Variants in EXOC4 observed in about 807,000 individuals in gnomAD.
EXOC4 encodes SEC8-like 1.
In EXOC4, 71 loss-of-function variants were observed where a neutral mutation model predicts 107.2. That is an observed-to-expected ratio of 0.66 (90% confidence interval 0.55 to 0.81). The LOEUF (loss-of-function observed/expected upper bound fraction) is 0.81, where lower values mean the gene tolerates loss of function less well. EXOC4 is among the 30% of genes least tolerant of loss of function. EXOC4 has a pLI of 0.00. For synonymous variants in EXOC4, 456 were observed against 441.2 expected (o/e 1.03, Z -0.42); for missense variants, 1,108 against 1,189.6 (o/e 0.93, Z 1.01).
At chr7:133,449,721 T>TTGTGTGTGTGTGTGTGTG (rs58843853) in intron 7 of EXOC4, among the ~76,000 whole-genome samples, 69 of 148,002 alleles carry the variant, frequency 4.7e-4, no homozygotes, top group African/African-American at 1.5e-3. Context: ...GAAAATACAT[T>TTGTGTGTGTGTGTGTGTG]TGTGTGTGTG....
chr7:133,723,852 C>T (rs1422082080), intron 10 of EXOC4, among the ~76,000 whole-genome samples: 2 of 151,930 alleles, frequency 1.3e-5, no homozygotes, highest in African/African-American at 4.8e-5. Context: ...TGGTCTTGAA[C>T]TCCTGGGCTC....
intron 14 of EXOC4, among the ~76,000 whole-genome samples, chr7:133,960,060 C>G (rs1800907373): frequency 6.6e-6 from 1 of 152,104 alleles, no homozygotes; most frequent in Non-Finnish European, 1.5e-5. Context: ...GTGATCATGA[C>G]AGGATATGCC....
intron 11 of EXOC4, among the ~76,000 whole-genome samples, chr7:133,820,719 C>T (rs545094860): frequency 6.6e-6 from 1 of 152,312 alleles, no homozygotes; most frequent in African/African-American, 2.4e-5. Context: ...CCTGTGGCAA[C>T]ACCCAGTGTC....
intron 9 of EXOC4, chr7:133,576,974 T>C: frequency 1.3e-6 from 1 of 748,824 alleles, no homozygotes; most frequent in Non-Finnish European, 1.9e-6. Flanking sequence ...GTGAGAAAGA[T>C]AATATGCCCG....
chr7:133,670,949 A>G (rs915259745), intron 10 of EXOC4, among the ~76,000 whole-genome samples: 1 of 152,130 alleles, frequency 6.6e-6, no homozygotes, highest in South Asian at 2.1e-4. Flanking sequence ...GCTAAGGAGG[A>G]GTCAGATAGG....
chr7:133,284,749 A>T (rs1794236314), intron 2 of EXOC4, among the ~76,000 whole-genome samples: 2 of 151,928 alleles, frequency 1.3e-5, no homozygotes, highest in South Asian at 4.2e-4. Flanking sequence ...GTTAGCCAGG[A>T]TAGTCTTGAT....
At chr7:133,759,589 A>G (rs1795992496) in intron 10 of EXOC4, among the ~76,000 whole-genome samples, 1 of 152,188 alleles carries the variant, frequency 6.6e-6, no homozygotes, top group Admixed American at 6.5e-5. Flanking sequence ...AGTAAATGGC[A>G]GAGCCAGGAT....
At chr7:134,036,658 TA>T (rs1365354448) in intron 17 of EXOC4, among the ~76,000 whole-genome samples, 1 of 152,230 alleles carries the variant, frequency 6.6e-6, no homozygotes, top group Non-Finnish European at 1.5e-5. Context: ...CAGCTTTATA[TA>T]ATTCATAGAT....
chr7:133,816,172 G>C (rs560616221), intron 10 of EXOC4, among the ~76,000 whole-genome samples: 1 of 152,280 alleles, frequency 6.6e-6, no homozygotes, highest in African/African-American at 2.4e-5. Context: ...AGTTACTTAA[G>C]TTTAATGTAC....
At chr7:133,371,297 G>T (rs951617281) in intron 6 of EXOC4, among the ~76,000 whole-genome samples, 1 of 152,062 alleles carries the variant, frequency 6.6e-6, no homozygotes, top group South Asian at 2.1e-4. Flanking sequence ...CAATTCATTG[G>T]TTTTTAGTAC....
intron 3 of EXOC4, among the ~76,000 whole-genome samples, chr7:133,299,868 G>T (rs1269586678): frequency 6.6e-6 from 1 of 152,072 alleles, no homozygotes; most frequent in Non-Finnish European, 1.5e-5. Flanking sequence ...CTTGACCTCA[G>T]TCCTTCTCCT....
At chr7:133,697,359 T>C (rs1794558670) in intron 10 of EXOC4, among the ~76,000 whole-genome samples, 1 of 152,202 alleles carries the variant, frequency 6.6e-6, no homozygotes, top group African/African-American at 2.4e-5. Flanking sequence ...TCAATATAGA[T>C]TATCTTATTT....
intron 10 of EXOC4, among the ~76,000 whole-genome samples, chr7:133,816,454 A>G (rs1797371289): frequency 6.6e-6 from 1 of 152,204 alleles, no homozygotes; most frequent in Non-Finnish European, 1.5e-5. Context: ...GAAGTAGATC[A>G]TTGCAAGTAA....
At chr7:133,971,361 T>TATATATATAGAGAGAGAGAGAGAGAGAG (rs1489958236) in intron 14 of EXOC4, among the ~76,000 whole-genome samples, 1 of 75,090 alleles carries the variant, frequency 1.3e-5, no homozygotes, top group African/African-American at 6.1e-5. Flanking sequence ...TATATATATA[T>TATATATATAGAGAGAGAGAGAGAGAGAG]AGAGAGAGAG....
chr7:133,676,408 A>G (rs1332231970), intron 10 of EXOC4, among the ~76,000 whole-genome samples: 1 of 152,178 alleles, frequency 6.6e-6, no homozygotes, highest in African/African-American at 2.4e-5. Flanking sequence ...GAGTAGTTCT[A>G]ATCACTTTAT....
chr7:133,396,703 G>A (rs1796977226), intron 7 of EXOC4, among the ~76,000 whole-genome samples: 1 of 152,010 alleles, frequency 6.6e-6, no homozygotes, highest in Non-Finnish European at 1.5e-5. Flanking sequence ...CTTCCTCCTG[G>A]GACACTTGAT....
rs59334789 is a variant in EXOC4, at chr7:133,679,542, G to GTCCATCCA, written c.1514+49435_1514+49442dup. On this transcript the variant is annotated intron_variant, in intron 10 of 17. Transcript: ENST00000253861. ...TACTGCCCCATCCATCCGTCCGTCC[G>GTCCATCCA]TCCATCCATCCATCCATCCATCCAT... Among the ~76,000 whole-genome samples, 959 of 145,448 alleles carry GTCCATCCA rather than the reference G, an allele frequency of 6.6e-3. 3 individuals carry two copies. The highest frequency in any genetic ancestry group is 0.011 in the Middle Eastern group (3 of 284).
intron 7 of EXOC4, among the ~76,000 whole-genome samples, chr7:133,379,253 G>A (rs73724574): frequency 0.027 from 4,072 of 151,820 alleles, 182 homozygotes; most frequent in African/African-American, 0.09. Flanking sequence ...CAGTATTTTT[G>A]CCCCTCCAGT....
At chr7:133,487,688 G>C (rs1033283426) in intron 9 of EXOC4, among the ~76,000 whole-genome samples, 1 of 152,036 alleles carries the variant, frequency 6.6e-6, no homozygotes, top group Non-Finnish European at 1.5e-5. Context: ...CAGCCTGGGC[G>C]ACAGAGTGAG....
Sources: gnomAD v4.1 joint callset for allele counts (sites outside exome capture counted in the v4.1 genomes callset) on GRCh38, gnomAD v4.1.1 for gene constraint, MANE v1.5 for transcripts, NCBI Gene and HGNC (gene_info 2026-07-23, HGNC 2026-07-21) for gene names.